Variants in EIF4G3 observed in about 807,000 individuals in gnomAD.
EIF4G3 encodes eIF-4-gamma 3.
A neutral mutation model predicts 186.4 loss-of-function variants in EIF4G3; 34 were observed. The ratio of observed to expected loss-of-function variants is 0.18; its 90% CI spans 0.14 to 0.24. The LOEUF (loss-of-function observed/expected upper bound fraction) is 0.24, where lower values mean the gene tolerates loss of function less well. EIF4G3 is among the 10% of genes least tolerant of loss of function. The probability of loss-of-function intolerance (pLI) is 1.00; values close to 1 mark genes in which losing one functional copy is unlikely to be tolerated. For synonymous variants in EIF4G3, 673 were observed against 679.5 expected (o/e 0.99, Z 0.15); for missense variants, 1,536 against 1,948.5 (o/e 0.79, Z 3.99).
At chr1:20,920,206 G>A (rs1232034192) in intron 14 of EIF4G3, among the ~76,000 whole-genome samples, 2 of 151,868 alleles carry the variant, frequency 1.3e-5, no homozygotes, top group African/African-American at 4.9e-5. Flanking sequence ...GCGTCCGGTC[G>A]AGATATTTTA....
At chr1:20,976,631 C>G (rs1161363280) in intron 10 of EIF4G3, among the ~76,000 whole-genome samples, 1 of 152,170 alleles carries the variant, frequency 6.6e-6, no homozygotes, top group Non-Finnish European at 1.5e-5. Flanking sequence ...AACAGACTTA[C>G]TATAAGAAAC....
intron 2 of EIF4G3, among the ~76,000 whole-genome samples, chr1:21,120,092 T>G (rs1209305399): frequency 1.3e-5 from 2 of 151,022 alleles, no homozygotes; most frequent in Non-Finnish European, 2.9e-5. Context: ...GGCCCAATAG[T>G]CCATCTGCAA....
At chr1:20,861,382 G>GAAAAACAA (rs1018477073) in intron 23 of EIF4G3, among the ~76,000 whole-genome samples, 4 of 151,016 alleles carry the variant, frequency 2.6e-5, no homozygotes, top group Admixed American at 1.3e-4. Flanking sequence ...AGAGAAATGA[G>GAAAAACAA]AAAAACAAAA....
intron 20 of EIF4G3, among the ~76,000 whole-genome samples, chr1:20,866,930 G>A (rs545883443): frequency 1.3e-4 from 20 of 152,136 alleles, no homozygotes; most frequent in South Asian, 1.2e-3. Flanking sequence ...ATAATAGTCC[G>A]GCCCACAATC....
rs867916485 is a variant in EIF4G3 at position 20,813,585 on chromosome 1, G to A, written c.4516-346C>T. Among the ~76,000 whole-genome samples, 32 of 148,106 alleles carry A rather than the reference G, an allele frequency of 2.2e-4. No individual in the cohort carries two copies. In the Middle Eastern group the frequency reaches 0.031, roughly 142 times the overall value. ...CCTTGTCTTGAGAAAACAAAAAACA[G>A]GCCAGGTGCAGTGGCTCATGCCTGT... On this transcript the variant is annotated intron_variant, in intron 34 of 36. Coordinates refer to ENST00000602326, the MANE Select transcript of EIF4G3 (RefSeq NM_001391906.1).
intron 3 of EIF4G3, among the ~76,000 whole-genome samples, chr1:21,085,988 G>A (rs888703751): frequency 4.6e-5 from 7 of 151,876 alleles, no homozygotes; most frequent in Non-Finnish European, 8.8e-5. Flanking sequence ...CATCGCGCCT[G>A]GCCCAAAGGT....
At chr1:21,093,758 G>A (rs1014525710) in intron 2 of EIF4G3, among the ~76,000 whole-genome samples, 1 of 152,146 alleles carries the variant, frequency 6.6e-6, no homozygotes. Context: ...TATACACCAT[G>A]GAATACTATG....
At chr1:21,036,113 C>T (rs963425123) in intron 4 of EIF4G3, among the ~76,000 whole-genome samples, 5 of 151,360 alleles carry the variant, frequency 3.3e-5, no homozygotes, top group East Asian at 3.9e-4. Context: ...GACATCAGGA[C>T]GACCAAAGGC....
chr1:20,924,211 G>A (rs1485008488), intron 14 of EIF4G3, among the ~76,000 whole-genome samples: 2 of 152,060 alleles, frequency 1.3e-5, no homozygotes, highest in South Asian at 4.1e-4. Flanking sequence ...AAGATCTAGA[G>A]TCTGTTATTG....
intron 2 of EIF4G3, among the ~76,000 whole-genome samples, chr1:21,172,857 T>C (rs115922561): frequency 0.056 from 8,393 of 150,880 alleles, 750 homozygotes; most frequent in African/African-American, 0.19. Flanking sequence ...GATGTGGTTC[T>C]CGGCCGGGTG....
At chr1:21,046,480 T>A (rs1485945746) in intron 4 of EIF4G3, among the ~76,000 whole-genome samples, 1 of 152,204 alleles carries the variant, frequency 6.6e-6, no homozygotes, top group Non-Finnish European at 1.5e-5. Context: ...TTCTTCATTT[T>A]CCCTCTTTCA....
chr1:20,957,756 G>C (rs2096470653), intron 12 of EIF4G3, among the ~76,000 whole-genome samples: 1 of 152,048 alleles, frequency 6.6e-6, no homozygotes, highest in East Asian at 1.9e-4. Flanking sequence ...CATCACTCGA[G>C]ACTACTATGA....
chr1:20,882,190 CA>C (rs2082560496), intron 19 of EIF4G3, among the ~76,000 whole-genome samples: 1 of 151,188 alleles, frequency 6.6e-6, no homozygotes, highest in South Asian at 2.1e-4. Context: ...CACACACACA[CA>C]CACACACACA....
intron 22 of EIF4G3, among the ~76,000 whole-genome samples, chr1:20,862,897 C>G (rs1384258592): frequency 1.3e-5 from 2 of 152,108 alleles, no homozygotes. Context: ...GCCTCAGCTT[C>G]CCAAGTAGCT....
intron 4 of EIF4G3, among the ~76,000 whole-genome samples, chr1:21,020,815 G>A (rs1036874825): frequency 6.6e-6 from 1 of 152,190 alleles, no homozygotes; most frequent in African/African-American, 2.4e-5. Flanking sequence ...ATAAAAGAGT[G>A]TAAGCTTAAT....
chr1:21,135,466 A>G (rs903276325), intron 2 of EIF4G3, among the ~76,000 whole-genome samples: 1 of 152,228 alleles, frequency 6.6e-6, no homozygotes, highest in African/African-American at 2.4e-5. Context: ...GTGGCATTGC[A>G]CTCCAGCCTG....
At chr1:20,885,818 G>A (rs1032719586) in intron 19 of EIF4G3, among the ~76,000 whole-genome samples, 20 of 152,098 alleles carry the variant, frequency 1.3e-4, no homozygotes, top group African/African-American at 4.3e-4. Flanking sequence ...CTAAATTCTA[G>A]CTTATTGGCA....
chr1:20,988,672 C>G (rs1421949910), intron 7 of EIF4G3, among the ~76,000 whole-genome samples: 33 of 152,186 alleles, frequency 2.2e-4, no homozygotes, highest in Non-Finnish European at 1.5e-5. Flanking sequence ...GGGAAAACAC[C>G]TAGTCACCCA....
At chr1:21,112,802 T>C (rs1226366203) in intron 2 of EIF4G3, among the ~76,000 whole-genome samples, 2 of 152,194 alleles carry the variant, frequency 1.3e-5, no homozygotes, top group African/African-American at 2.4e-5. Flanking sequence ...TATGTTCTTA[T>C]GTAGAAGGGG....
Sources: allele counts gnomAD v4.1 joint callset (sites outside exome capture counted in the v4.1 genomes callset), GRCh38; gene constraint gnomAD v4.1.1; transcripts MANE v1.5; gene names NCBI Gene and HGNC (gene_info 2026-07-23, HGNC 2026-07-21).